The following NAV1 variants were observed in gnomAD, a reference collection of about 807,000 sequenced individuals.
NAV1 encodes the protein pore membrane and/or filament interacting like protein 3.
In NAV1, 18 loss-of-function variants were observed where a neutral mutation model predicts 175.2. The observed-to-expected ratio is 0.10, with a 90% confidence interval of 0.07 to 0.15. NAV1 has a LOEUF of 0.15. Among genes scored for constraint, NAV1 ranks in the 10% least tolerant of loss-of-function variants. The pLI is 1.00. For synonymous variants in NAV1, 897 were observed against 978.7 expected, an observed-to-expected ratio of 0.92 and a Z score of 1.56; for missense variants, 1,731 against 2,436.6, an observed-to-expected ratio of 0.71 and a Z score of 6.10.
intron 1 of NAV1, among the ~76,000 whole-genome samples, chr1:201,700,113 C>T (rs1373278372): frequency 4.6e-5 from 7 of 152,180 alleles, no homozygotes; most frequent in African/African-American, 1.7e-4. Flanking sequence ...AGCTAAAGAG[C>T]TTCTGCACAG....
At chr1:201,709,496 C>T (rs1205470783) in intron 1 of NAV1, among the ~76,000 whole-genome samples, 1 of 152,218 alleles carries the variant, frequency 6.6e-6, no homozygotes, top group African/African-American at 2.4e-5. Context: ...CTTTTGTACA[C>T]AGGTAAGTCC....
At chr1:201,614,835 C>A (rs1013330714) in intron 2 of NAV1, among the ~76,000 whole-genome samples, 2 of 152,144 alleles carry the variant, frequency 1.3e-5, no homozygotes, top group African/African-American at 4.8e-5. Flanking sequence ...AGTTCCTTAG[C>A]CTCTCTGTGC....
chr1:201,603,375 T>C (rs756517348), intron 2 of NAV1, among the ~76,000 whole-genome samples: 1 of 152,200 alleles, frequency 6.6e-6, no homozygotes, highest in Non-Finnish European at 1.5e-5. Context: ...AACATGGAAT[T>C]GCTGCATCAC....
rs376170673 is a variant in NAV1 at position 201,683,016 on chromosome 1, T to C, written c.758-29801T>C. Among the ~76,000 whole-genome samples, 16 of 152,282 alleles carry C rather than the reference T, an allele frequency of 1.1e-4. No homozygotes were observed. In the East Asian group the frequency reaches 2.9e-3, roughly 28 times the overall value. ...ATTATTAACTTGGAAGTCCAGACTT[T>C]ATTTGGATTTACCTGGGTTTTAGCT... On this transcript the variant is annotated intron_variant, in intron 1 of 29. Coordinates refer to ENST00000367296, the Ensembl canonical transcript of NAV1.
At chr1:201,655,467 G>C (rs918979194) in intron 1 of NAV1, among the ~76,000 whole-genome samples, 2 of 152,350 alleles carry the variant, frequency 1.3e-5, no homozygotes, top group Admixed American at 1.3e-4. Flanking sequence ...AGGTAGGGGG[G>C]GCCAGGCCCA....
At chr1:201,621,176 T>C (rs1668157404), upstream of NAV1, among the ~76,000 whole-genome samples, 1 of 152,108 alleles carries the variant, frequency 6.6e-6, no homozygotes, top group African/African-American at 2.4e-5. Flanking sequence ...CCGCTCGGCC[T>C]CCCAAAGTGC....
chr1:201,803,921 C>T, intron 16 of NAV1: 1 of 617,296 alleles, frequency 1.6e-6, no homozygotes, highest in South Asian at 1.6e-5. Context: ...ACCCCTCTGA[C>T]CTTTATATGC....
chr1:201,614,506 C>T (rs1362283921), intron 2 of NAV1, among the ~76,000 whole-genome samples: 1 of 152,204 alleles, frequency 6.6e-6, no homozygotes, highest in East Asian at 1.9e-4. Flanking sequence ...TTCCTTTCCC[C>T]TCGCCCCCAT....
At chr1:201,558,263 C>G (rs1666090959) in intron 1 of NAV1, among the ~76,000 whole-genome samples, 1 of 152,100 alleles carries the variant, frequency 6.6e-6, no homozygotes, top group African/African-American at 2.4e-5. Flanking sequence ...GCTTATATAC[C>G]CTTCTACATA....
At chr1:201,715,118 G>T (rs1418821353) in intron 2 of NAV1, among the ~76,000 whole-genome samples, 1 of 150,936 alleles carries the variant, frequency 6.6e-6, no homozygotes, top group Non-Finnish European at 1.5e-5. Context: ...TATTATTCCT[G>T]TTCCACACTG....
At chr1:201,562,725 C>T (rs73082563) in intron 1 of NAV1, among the ~76,000 whole-genome samples, 9,668 of 152,248 alleles carry the variant, frequency 0.064, 422 homozygotes, top group African/African-American at 0.13. Context: ...GCATCTCTTT[C>T]TGTTTTAGCT....
At chr1:201,698,333 G>T (rs1671274673) in intron 1 of NAV1, among the ~76,000 whole-genome samples, 1 of 152,206 alleles carries the variant, frequency 6.6e-6, no homozygotes, top group Non-Finnish European at 1.5e-5. Flanking sequence ...GACCACAGCT[G>T]CACATGCCAA....
At chr1:201,668,626 G>A (rs886564929) in intron 1 of NAV1, among the ~76,000 whole-genome samples, 5 of 152,122 alleles carry the variant, frequency 3.3e-5, no homozygotes, top group East Asian at 1.9e-4. Flanking sequence ...GGCGTGGGTC[G>A]ATGCAGCCCC....
intron 1 of NAV1, among the ~76,000 whole-genome samples, chr1:201,711,652 G>A (rs1208428492): frequency 2.0e-5 from 3 of 152,200 alleles, no homozygotes; most frequent in Non-Finnish European, 4.4e-5. Context: ...CTGTTGTTTT[G>A]CCATCATCTT....
chr1:201,770,253 G>C (rs1675487644), intron 3 of NAV1, among the ~76,000 whole-genome samples: 1 of 152,198 alleles, frequency 6.6e-6, no homozygotes, highest in African/African-American at 2.4e-5. Flanking sequence ...GACACAAACA[G>C]AGCAGTGTTC....
intron 17 of NAV1, among the ~76,000 whole-genome samples, chr1:201,805,094 G>A (rs775295635): frequency 6.6e-6 from 1 of 152,140 alleles, no homozygotes; most frequent in Non-Finnish European, 1.5e-5. Context: ...GTCTTAAGAT[G>A]AACAGAAAAT....
At chr1:201,650,201 G>A (rs189173627) in intron 1 of NAV1, among the ~76,000 whole-genome samples, 476 of 152,354 alleles carry the variant, frequency 3.1e-3, no homozygotes, top group Middle Eastern at 0.014. Context: ...AAGCTTGCTC[G>A]AGTGGAGGAA....
intron 1 of NAV1, among the ~76,000 whole-genome samples, chr1:201,553,173 G>A (rs1040263632): frequency 4.6e-5 from 7 of 152,382 alleles, no homozygotes; most frequent in African/African-American, 1.4e-4. Flanking sequence ...CTCGAGGCTT[G>A]TGAGCCAAAA....
intron 1 of NAV1, among the ~76,000 whole-genome samples, chr1:201,565,819 TC>T (rs983597276): frequency 3.9e-5 from 6 of 152,116 alleles, no homozygotes; most frequent in African/African-American, 1.4e-4. Flanking sequence ...GGATTTGACC[TC>T]CCAGGGGCCT....
Sources: gnomAD v4.1 joint callset for allele counts (sites outside exome capture counted in the v4.1 genomes callset) on GRCh38, gnomAD v4.1.1 for gene constraint, MANE v1.5 for transcripts, NCBI Gene and HGNC (gene_info 2026-07-23, HGNC 2026-07-21) for gene names.